Variants in ZFYVE26 observed in about 807,000 individuals in gnomAD.
ZFYVE26 encodes zinc finger FYVE-type containing 26.
Under a neutral mutation model 276.5 loss-of-function variants are expected in ZFYVE26, and 181 were observed. That is an observed-to-expected ratio of 0.65 (90% CI 0.58 to 0.74). The LOEUF (loss-of-function observed/expected upper bound fraction) is 0.74. ZFYVE26 is among the 30% of genes least tolerant of loss of function. The pLI is 0.00. For missense variants in ZFYVE26, 2,821 were observed against 3,097.9 expected (o/e 0.91, Z 2.12); for synonymous variants, 1,129 against 1,203.1 (o/e 0.94, Z 1.27).
At chr14:67,736,506 G>A (rs1242348928) in intron 13 of ZFYVE26, among the ~76,000 whole-genome samples, 1 of 152,120 alleles carries the variant, frequency 6.6e-6, no homozygotes, top group Non-Finnish European at 1.5e-5. Flanking sequence ...TGAGTACTAT[G>A]TGGACTAAAA....
chr14:67,789,406 T>C lies in ZFYVE26; in HGVS notation c.2948A>G (p.Gln983Arg). 6.2e-7 allele frequency: 1 copy of C among 1,614,220 alleles called. No homozygotes were observed. The part of the protein sequence containing the change: ...AAFDLACSQC[Q>R]LWKTCKQLLE... ...AAGCTGCTTGCAGGTTTTCCAGAGC[T>C]GGCACTGAGAGCAAGCTAGGTCAAA... Residue 983 changes from glutamine to arginine, a missense_variant, in exon 16 of 42, where the codon CAG becomes CGG. Coordinates refer to ENST00000347230, the MANE Select transcript of ZFYVE26 (RefSeq NM_015346.4).
chr14:67,815,566 C>T (rs2040384601), intron 2 of ZFYVE26: 1 of 626,036 alleles, frequency 1.6e-6, no homozygotes. Context: ...GGCTTACATT[C>T]AGTTGCAGAT....
chr14:67,753,586 T>A, intron 39 of ZFYVE26, 121 bp downstream of exon 39: 1 of 1,080,888 alleles, frequency 9.3e-7, no homozygotes, highest in Non-Finnish European at 1.4e-6. Flanking sequence ...CTTGATTTCA[T>A]CCCTAATGTG....
In ZFYVE26 at chr14:67,807,638, C is replaced by T. The variant is rs562335179; in HGVS notation, c.646G>A (p.Asp216Asn). ...GTCCGCAGGGCTCCATAGATGGCAT[C>T]GACTACCCCAGGGGGCACCGAATCA... ...GPDSVPPGVV[D>N]AIYGALRTLR... Residue 216 changes from aspartate (D) to asparagine (N), a missense_variant, in exon 5 of 42, where the codon GAT becomes AAT. Physicochemically the swap from Asp to Asn is conservative, Grantham distance 23. Coordinates refer to ENST00000347230, the MANE Select transcript of ZFYVE26 (RefSeq NM_015346.4). The T allele has an allele frequency of 7.5e-5, 121 of 1,614,178 alleles. No individual in the cohort carries two copies. Among genetic ancestry groups the T allele is most frequent in the South Asian group, 5.6e-4 (51 of 91,088 alleles).
intron 27 of ZFYVE26, 100 bp downstream of exon 27, chr14:67,774,916 A>C (rs998687740): frequency 1.5e-6 from 1 of 689,512 alleles, no homozygotes; most frequent in Non-Finnish European, 2.5e-6. Context: ...TGTAACTGGC[A>C]ATGAAAAAAA....
intron 4 of ZFYVE26, 62 bp from the exon 5 acceptor site, chr14:67,807,982 GCCTTCATGCTTT>G: frequency 1.3e-6 from 2 of 1,577,350 alleles, no homozygotes; most frequent in Admixed American, 3.5e-5. Flanking sequence ...TCACTTGTGT[GCCTTCATGCTTT>G]CCTCTTTTTC....
Position 67,752,449 on chromosome 14 carries a change from G to A in ZFYVE26, c.7266C>T (p.Ile2422=). The A allele has an allele frequency of 6.2e-7, 1 of 1,614,150 alleles. No homozygotes were observed. The highest frequency in any genetic ancestry group is 8.5e-7 in the Non-Finnish European group (1 of 1,180,028). The change falls in exon 40 of 42, where the codon ATC becomes ATT. Residue 2422 remains isoleucine, a synonymous_variant. Coordinates refer to ENST00000347230, the MANE Select transcript of ZFYVE26 (RefSeq NM_015346.4). ...QLVEKEKYSE[I]QQLLKCVSES... is the part of the protein sequence containing the mutation. ...CACTGACACATTTGAGCAGTTGCTG[G>A]ATCTCACTGTACTTCTCTTTCTCCA...
rs886050654 is a variant in ZFYVE26 at position 67,776,001 on chromosome 14, C to T, written c.5080G>A (p.Ala1694Thr). Residue 1694 changes from alanine (A) to threonine (T), a missense_variant, in exon 26 of 42, where the codon GCC (alanine) becomes ACC (threonine). Ala to Thr is a moderately conservative substitution (Grantham distance 58). Transcript: ENST00000347230. ...QLLMNMKVDW[A>T]TVAVQTLQQL... ...TGGAGAGTCTGCACAGCCACAGTGG[C>T]CCAATCCACCTTCATGTTCATAAGC... The T allele has an allele frequency of 6.2e-7, 1 of 1,614,054 alleles. No individual in the cohort carries two copies. The highest frequency in any genetic ancestry group is 1.3e-5 in the African/African-American group (1 of 74,906).
chr14:67,780,294 T>C lies in ZFYVE26; in HGVS notation c.4621A>G (p.Ser1541Gly), dbSNP rs1457267461. 2 of 1,613,874 alleles carry C rather than the reference T, an allele frequency of 1.2e-6. No individual in the cohort carries two copies. Among genetic ancestry groups the C allele is most frequent in the Non-Finnish European group, 1.7e-6 (2 of 1,179,984 alleles). The change falls in exon 23 of 42, where the codon AGC becomes GGC. Residue 1541 changes from serine to glycine, a missense_variant. Transcript: ENST00000347230. ...PVWCDWQTLR[S>G]CCVEDPSTVM... is the part of the protein sequence containing the mutation. ...GTTGATGGGTCCTCAACACAACAGC[T>C]CCTCAAGGTCTGCCAGTCACACCAC...
chr14:67,802,502 T>A (rs2040098825), intron 9 of ZFYVE26, among the ~76,000 whole-genome samples: 1 of 152,156 alleles, frequency 6.6e-6, no homozygotes, highest in Non-Finnish European at 1.5e-5. Context: ...TCACCTCCCT[T>A]CTACATATCT....
At chr14:67,774,993 G>C in intron 27 of ZFYVE26, 23 bp downstream of exon 27, 2 of 1,558,906 alleles carry the variant, frequency 1.3e-6, no homozygotes, top group South Asian at 2.3e-5. Flanking sequence ...AAATTTTAGT[G>C]AATCATCAGA....
At chr14:67,761,685 A>G in intron 34 of ZFYVE26, 101 bp from the exon 35 acceptor site, 2 of 968,072 alleles carry the variant, frequency 2.1e-6, no homozygotes, top group Non-Finnish European at 3.2e-6. Context: ...GTGCACACCA[A>G]CATGGCACAT....
chr14:67,804,300 G>T (rs2040134958), intron 8 of ZFYVE26, 36 bp from the exon 9 acceptor site: 2 of 1,610,620 alleles, frequency 1.2e-6, no homozygotes. Flanking sequence ...AAGAGAGGCA[G>T]TTTATATTAT....
chr14:67,780,213 A>G, intron 23 of ZFYVE26, 28 bp downstream of exon 23: 1 of 1,597,314 alleles, frequency 6.3e-7, no homozygotes, highest in Non-Finnish European at 8.6e-7. Flanking sequence ...AGGAGGATGA[A>G]GGGGAACACC....
chr14:67,751,998 A>G (rs747390776), intron 40 of ZFYVE26, among the ~76,000 whole-genome samples: 1 of 152,240 alleles, frequency 6.6e-6, no homozygotes, highest in African/African-American at 2.4e-5. Flanking sequence ...CAAAGCCACC[A>G]TGGGAGGACA....
At chr14:67,738,562 C>T (rs1288152530) in intron 13 of ZFYVE26, among the ~76,000 whole-genome samples, 1 of 151,426 alleles carries the variant, frequency 6.6e-6, no homozygotes, top group Non-Finnish European at 1.5e-5. Flanking sequence ...ATGATGTGTT[C>T]TGTGTAGTAA....
intron 13 of ZFYVE26, chr14:67,733,905 C>A: frequency 7.5e-7 from 1 of 1,326,996 alleles, no homozygotes; most frequent in Non-Finnish European, 1.1e-6. Context: ...GAACAGGGAC[C>A]AAGGAGAAGG....
At position 67,804,129 on chromosome 14, in the gene ZFYVE26, C is replaced by G; in HGVS notation, c.1407G>C (p.Val469=). Residue 469 remains valine (V), a synonymous_variant, in exon 9 of 42, where the codon GTG becomes GTC. Coordinates refer to ENST00000347230, the MANE Select transcript of ZFYVE26 (RefSeq NM_015346.4). ...GCTCTTGCTGGGGGTCCTTGGCTGG[C>G]ACTTTCTGTAAGAGCTTGAGAACAT... ...EEDVLKLLQK[V]PAKDPQQEPD... 6.2e-7 allele frequency: 1 copy of G among 1,614,156 alleles called. No individual in the cohort carries two copies. The highest frequency in any genetic ancestry group is 1.7e-4 in the Middle Eastern group (1 of 6,044).
rs549388649 is a variant in ZFYVE26, at chr14:67,808,056, T to G, written c.364-136A>C. The G allele has an allele frequency of 2.8e-6, 3 of 1,054,484 alleles. No individual in the cohort carries two copies. The South Asian group carries it at 4.7e-5, about 16-fold the overall frequency. The allele number at this position is 1,054,484 out of a possible 1,614,324, so 65.3% of individuals were successfully genotyped here. On this transcript the variant is annotated intron_variant, in intron 4 of 41. Coordinates refer to ENST00000347230, the MANE Select transcript of ZFYVE26 (RefSeq NM_015346.4). ...ACAAATACTTATGTCGTAGTTACTA[T>G]GTGTTAGACATTGTTCTAAGGCCCT...
Sources: gnomAD v4.1 joint callset for allele counts (sites outside exome capture counted in the v4.1 genomes callset) on GRCh38, gnomAD v4.1.1 for gene constraint, MANE v1.5 for transcripts, NCBI Gene and HGNC (gene_info 2026-07-23, HGNC 2026-07-21) for gene names.